Variants in RPS6KA2 observed in about 807,000 individuals in gnomAD.
The protein encoded by RPS6KA2 is ribosomal protein S6 kinase alpha-2.
A neutral mutation model predicts 91.8 loss-of-function variants in RPS6KA2; 42 were observed. The ratio of observed to expected loss-of-function variants is 0.46; its 90% confidence interval spans 0.36 to 0.59. The LOEUF (loss-of-function observed/expected upper bound fraction) is 0.59, where lower values mean the gene tolerates loss of function less well. Ranked by LOEUF, RPS6KA2 falls within the 20% of genes least tolerant of loss-of-function variation. RPS6KA2 has a pLI of 0.00. For missense variants in RPS6KA2, 798 were observed against 978.5 expected, an observed-to-expected ratio of 0.82 and a Z score of 2.46; for synonymous variants, 414 against 393.6, an observed-to-expected ratio of 1.05 and a Z score of -0.61.
chr6:166,818,820 C>T (rs1358063496), intron 2 of RPS6KA2, among the ~76,000 whole-genome samples: 7 of 151,946 alleles, frequency 4.6e-5, no homozygotes, highest in Non-Finnish European at 1.0e-4. Context: ...ACGACTGTGT[C>T]CTCTCTACGT....
chr6:166,802,261 C>T (rs1779385691), intron 2 of RPS6KA2, among the ~76,000 whole-genome samples: 1 of 149,416 alleles, frequency 6.7e-6, no homozygotes, highest in South Asian at 2.1e-4. Context: ...CAGAGTGAGA[C>T]TCCGTCTCAA....
chr6:166,428,856 A>G (rs2128444543), intron 16 of RPS6KA2, among the ~76,000 whole-genome samples: 1 of 151,166 alleles, frequency 6.6e-6, no homozygotes, highest in East Asian at 2.0e-4. Flanking sequence ...AACTAGTTCA[A>G]CCATTGTGGA....
At chr6:166,831,742 C>T (rs1287164200) in intron 2 of RPS6KA2, among the ~76,000 whole-genome samples, 2 of 149,976 alleles carry the variant, frequency 1.3e-5, no homozygotes, top group African/African-American at 4.9e-5. Flanking sequence ...ACCACATCTA[C>T]ATACATACAC....
chr6:166,627,964 G>A (rs774405620), upstream of RPS6KA2: 15 of 152,114 alleles, frequency 9.9e-5, no homozygotes, highest in Non-Finnish European at 7.4e-5. Flanking sequence ...TCCCTCCGCC[G>A]GAGCGGACAA....
intron 2 of RPS6KA2, among the ~76,000 whole-genome samples, chr6:166,819,361 C>T (rs1471970422): frequency 6.6e-6 from 1 of 152,092 alleles, no homozygotes; most frequent in East Asian, 1.9e-4. Flanking sequence ...ACAGTTGTAC[C>T]TCAGGGTCTG....
intron 3 of RPS6KA2, among the ~76,000 whole-genome samples, chr6:166,522,641 C>T (rs1782899913): frequency 2.0e-5 from 3 of 152,222 alleles, no homozygotes; most frequent in Admixed American, 2.0e-4. Flanking sequence ...TCTTTACCCC[C>T]ATAAAGGCTA....
At chr6:166,442,075 A>G (rs1382303765) in intron 14 of RPS6KA2, among the ~76,000 whole-genome samples, 3 of 152,172 alleles carry the variant, frequency 2.0e-5, no homozygotes, top group African/African-American at 7.2e-5. Context: ...CTCAGGTGCG[A>G]TTTTACATAG....
At chr6:166,571,014 A>C (rs1784669079) in intron 1 of RPS6KA2, among the ~76,000 whole-genome samples, 1 of 152,248 alleles carries the variant, frequency 6.6e-6, no homozygotes, top group South Asian at 2.1e-4. Flanking sequence ...AATTCTGGGA[A>C]AATAAAGGCG....
chr6:166,456,971 G>A lies in RPS6KA2; in HGVS notation c.1075+2478C>T, dbSNP rs1015516000. Among the ~76,000 whole-genome samples, 6 of 152,178 alleles carry A rather than the reference G, an allele frequency of 3.9e-5. No homozygotes were observed. In the East Asian group the frequency reaches 5.8e-4, roughly 15 times the overall value. Reference sequence around the variant, plus strand: ...CTCTAGAAGCTCAAAAAAAGCTTCCGGTTCCACTGGCCAACTAGGTTGGGG... The same window carrying A: ...CTCTAGAAGCTCAAAAAAAGCTTCCAGTTCCACTGGCCAACTAGGTTGGGG... On this transcript the variant is annotated intron_variant, in intron 12 of 20. Coordinates refer to ENST00000265678, the MANE Select transcript of RPS6KA2 (RefSeq NM_021135.6).
At chr6:166,795,134 G>A (rs1292499013) in intron 2 of RPS6KA2, among the ~76,000 whole-genome samples, 1 of 151,576 alleles carries the variant, frequency 6.6e-6, no homozygotes, top group Non-Finnish European at 1.5e-5. Flanking sequence ...TTTAAATTCA[G>A]GGAAAAAAGA....
intron 2 of RPS6KA2, among the ~76,000 whole-genome samples, chr6:166,787,043 C>A (rs989246769): frequency 1.3e-5 from 2 of 152,062 alleles, no homozygotes; most frequent in African/African-American, 4.8e-5. Context: ...AAAACTCAAT[C>A]CAGAATTTAA....
In RPS6KA2 at chr6:166,603,613, A is replaced by C. The variant is rs1785831081; in HGVS notation, c.99+23308T>G. On this transcript the variant is annotated intron_variant, in intron 1 of 20. Coordinates refer to ENST00000265678, the MANE Select transcript of RPS6KA2 (RefSeq NM_021135.6). This position sits in a 1 kb window ranked among gnomAD's most constrained non-coding sequence, Gnocchi z 4.3. ...GGAGTCATGGGAGGGGACATGACAG[A>C]AGATGCTTCCACCTGGGCAACACCT... 6.6e-6 allele frequency among the ~76,000 whole-genome samples: 1 copy of C among 152,202 alleles called. No individual in the cohort carries two copies. The highest frequency in any genetic ancestry group is 1.9e-4 in the East Asian group (1 of 5,192).
intron 2 of RPS6KA2, among the ~76,000 whole-genome samples, chr6:166,740,859 T>C (rs1343071998): frequency 1.3e-5 from 2 of 152,268 alleles, no homozygotes; most frequent in African/African-American, 4.8e-5. Context: ...GATGAAAATA[T>C]TCCATGCATT....
At chr6:166,444,656 CT>C (rs1380058159) in intron 14 of RPS6KA2, among the ~76,000 whole-genome samples, 1 of 152,210 alleles carries the variant, frequency 6.6e-6, no homozygotes, top group African/African-American at 2.4e-5. Flanking sequence ...GGGTCGGTGT[CT>C]TCCCGCCCGA....
intron 2 of RPS6KA2, among the ~76,000 whole-genome samples, chr6:166,537,220 C>T (rs531524072): frequency 5.1e-4 from 77 of 152,400 alleles, no homozygotes; most frequent in Non-Finnish European, 7.8e-4. Flanking sequence ...AGAAACAATG[C>T]ATGGGCAACA....
intron 2 of RPS6KA2, among the ~76,000 whole-genome samples, chr6:166,832,163 G>A (rs889780321): frequency 4.0e-4 from 61 of 152,108 alleles, no homozygotes; most frequent in African/African-American, 1.4e-3. Flanking sequence ...TTCTGATTTG[G>A]CCTTGAAAGT....
chr6:166,420,057 C>T, intron 17 of RPS6KA2, 99 bp from the exon 18 acceptor site: 3 of 1,143,770 alleles, frequency 2.6e-6, no homozygotes, highest in South Asian at 2.5e-5. Context: ...AAGCTGGGGA[C>T]CAGGAGGAGG....
At chr6:166,796,526 T>A (rs557919973) in intron 2 of RPS6KA2, among the ~76,000 whole-genome samples, 1 of 151,282 alleles carries the variant, frequency 6.6e-6, no homozygotes, top group South Asian at 2.1e-4. Flanking sequence ...GAGGTGGAGG[T>A]TGCAGTGAGC....
At chr6:166,623,823 G>A (rs1269741484) in intron 1 of RPS6KA2, among the ~76,000 whole-genome samples, 2 of 152,194 alleles carry the variant, frequency 1.3e-5, no homozygotes, top group Non-Finnish European at 2.9e-5. Flanking sequence ...AGTTGCCAGA[G>A]TCAACAACTT....
Sources: allele counts gnomAD v4.1 joint callset (sites outside exome capture counted in the v4.1 genomes callset), GRCh38; gene constraint gnomAD v4.1.1; non-coding constraint Gnocchi (gnomAD v3.1); transcripts MANE v1.5; gene names NCBI Gene and HGNC (gene_info 2026-07-23, HGNC 2026-07-21).